Variants in NOS2 observed in about 807,000 individuals in gnomAD.
NOS2 encodes nitric oxide synthase, inducible.
A neutral mutation model predicts 136.0 loss-of-function variants in NOS2; 96 were observed. That is an observed-to-expected ratio of 0.71 (90% CI 0.60 to 0.84). NOS2 has a LOEUF of 0.84. NOS2 is among the 40% of genes least tolerant of loss of function. The pLI, the probability that NOS2 is intolerant of heterozygous loss-of-function variation, is 0.00. For missense variants in NOS2, 1,237 were observed against 1,496.9 expected (o/e 0.83, Z 2.87); for synonymous variants, 539 against 587.5 (o/e 0.92, Z 1.20).
intron 4 of NOS2, among the ~76,000 whole-genome samples, chr17:27,788,196 G>GCACACACACACA (rs59431357): frequency 0.012 from 1,814 of 149,740 alleles, 17 homozygotes; most frequent in African/African-American, 0.024. Context: ...GCACACGCGT[G>GCACACACACACA]CACACACACA....
At chr17:27,782,917 C>T (rs201713134) in intron 6 of NOS2, 27 bp downstream of exon 6, 1 of 1,612,006 alleles carries the variant, frequency 6.2e-7, no homozygotes, top group Non-Finnish European at 8.5e-7. Context: ...CTCCAGCTCT[C>T]TCCCGCTCAA....
intron 18 of NOS2, among the ~76,000 whole-genome samples, chr17:27,767,286 C>T (rs547448074): frequency 1.2e-4 from 18 of 152,156 alleles, no homozygotes; most frequent in Non-Finnish European, 1.9e-4. Flanking sequence ...ACCTTCTCTA[C>T]GACACTTGGC....
In NOS2 at chr17:27,759,022, C is replaced by A; in HGVS notation, c.3213G>T (p.Val1071=). The A allele has an allele frequency of 6.2e-7, 1 of 1,610,472 alleles. No homozygotes were observed. The highest frequency in any genetic ancestry group is 8.5e-7 in the Non-Finnish European group (1 of 1,178,714). ...RQQLASEVLR[V]LHKEPGHLYV... ...AGAGGTGGCCTGGCTCCTTGTGGAG[C>A]ACACGGAGCACCTCGCTGGCCAGCT... is the stretch of plus-strand genomic sequence containing the variant. Residue 1071 remains valine, a synonymous_variant, in exon 26 of 27, where the codon GTG becomes GTT. Coordinates refer to ENST00000313735, the MANE Select transcript of NOS2 (RefSeq NM_000625.4).
At chr17:27,774,203 C>T (rs888593193) in intron 12 of NOS2, 54 bp downstream of exon 12, 9 of 1,324,510 alleles carry the variant, frequency 6.8e-6, no homozygotes, top group Non-Finnish European at 9.0e-6. Context: ...CACACACACA[C>T]ACATACAGCC....
At chr17:27,761,751 C>G (rs1463170162) in intron 22 of NOS2, among the ~76,000 whole-genome samples, 2 of 152,170 alleles carry the variant, frequency 1.3e-5, no homozygotes, top group African/African-American at 4.8e-5. Context: ...CTTTCCTCCT[C>G]AGTGGGCCCT....
At chr17:27,766,402 A>C in intron 19 of NOS2, 108 bp downstream of exon 19, 1 of 982,576 alleles carries the variant, frequency 1.0e-6, no homozygotes, top group Non-Finnish European at 1.6e-6. Flanking sequence ...TGCTAATGCC[A>C]GCATATGCTC....
At chr17:27,767,597 C>T (rs1257426003) in intron 18 of NOS2, 108 bp downstream of exon 18, 9 of 1,349,878 alleles carry the variant, frequency 6.7e-6, no homozygotes, top group African/African-American at 2.9e-5. Flanking sequence ...AGGGAGGCCC[C>T]GAGGCCAGCT....
At chr17:27,788,238 C>T (rs1052005325) in intron 4 of NOS2, among the ~76,000 whole-genome samples, 4 of 147,562 alleles carry the variant, frequency 2.7e-5, no homozygotes, top group African/African-American at 7.6e-5. Flanking sequence ...GAAGTACACC[C>T]GAATGTTAAC....
intron 6 of NOS2, among the ~76,000 whole-genome samples, 177 bp from the exon 7 acceptor site, chr17:27,782,283 G>A (rs1168835747): frequency 6.6e-6 from 1 of 152,168 alleles, no homozygotes; most frequent in East Asian, 1.9e-4. Context: ...CCATGCAGAA[G>A]AATTCAGCCT....
chr17:27,787,938 C>A (rs1016219065), intron 4 of NOS2, 112 bp from the exon 5 acceptor site: 1 of 1,134,630 alleles, frequency 8.8e-7, no homozygotes. Flanking sequence ...CGGCTCCCTG[C>A]ACCTCTTCTC....
chr17:27,768,992 G>C lies in NOS2; in HGVS notation c.2019C>G (p.Ala673=), dbSNP rs140648818. The C allele has an allele frequency of 4.5e-5, 73 of 1,607,226 alleles. No homozygotes were observed. The highest frequency in any genetic ancestry group is 2.4e-4 in the Admixed American group (14 of 59,496). Residue 673 remains alanine, a synonymous_variant, in exon 17 of 27, where the codon GCC becomes GCG. Coordinates refer to ENST00000313735, the MANE Select transcript of NOS2 (RefSeq NM_000625.4). ...GGGAACTGACCTTGAAGGTTTGCAC[G>C]GCCCAGCTGCGGAAGGCGTCCTCCT... ...SGQEDAFRSW[A]VQTFKAACET...
intron 11 of NOS2, among the ~76,000 whole-genome samples, chr17:27,778,360 T>G (rs1908727635): frequency 6.6e-6 from 1 of 152,144 alleles, no homozygotes; most frequent in Admixed American, 6.6e-5. Flanking sequence ...GCAGGAGTTA[T>G]GTGGTTAGCT....
chr17:27,758,610 G>A (rs1474864361), intron 26 of NOS2, among the ~76,000 whole-genome samples: 1 of 152,140 alleles, frequency 6.6e-6, no homozygotes, highest in African/African-American at 2.4e-5. Context: ...GGGGTTTGGG[G>A]AGAGGCCAGG....
intron 25 of NOS2, among the ~76,000 whole-genome samples, chr17:27,759,385 GC>G (rs1379656956): frequency 6.6e-6 from 1 of 152,214 alleles, no homozygotes; most frequent in Non-Finnish European, 1.5e-5. Flanking sequence ...CAGTCCCCCT[GC>G]CCAGGGCTCT....
chr17:27,769,898 T>C (rs1289372404), intron 15 of NOS2, among the ~76,000 whole-genome samples: 2 of 152,112 alleles, frequency 1.3e-5, no homozygotes, highest in Non-Finnish European at 2.9e-5. Flanking sequence ...CCAGAGGGGC[T>C]CCGAATGCGC....
chr17:27,769,432 C>G (rs559505959), intron 16 of NOS2, 103 bp downstream of exon 16: 4 of 998,290 alleles, frequency 4.0e-6, no homozygotes, highest in Admixed American at 1.8e-5. Flanking sequence ...TGTGCCTGCA[C>G]GGTTCTGAGA....
At position 27,757,251 on chromosome 17, in the gene NOS2, G is replaced by A. The variant is rs1262745725; in HGVS notation, c.3457C>T (p.Leu1153Phe). The part of the protein sequence containing the change: ...VQPSSLEMSA[L>F] The stretch of plus-strand genomic sequence containing the variant: ...TTAACCCCTCCTGTAGGCCCTCAGA[G>A]CGCTGACATCTCCAGGCTGCTGGGC... The change falls in exon 27 of 27, where the codon CTC becomes TTC. Residue 1153 changes from leucine to phenylalanine, a missense_variant. Leu to Phe is a conservative substitution (Grantham distance 22, BLOSUM62 0). Transcript: ENST00000313735. 1 of 1,613,552 alleles carries A rather than the reference G, an allele frequency of 6.2e-7. No individual in the cohort carries two copies. Among genetic ancestry groups the A allele is most frequent in the Non-Finnish European group, 8.5e-7 (1 of 1,179,756 alleles).
At position 27,765,718 on chromosome 17, in the gene NOS2, TG is replaced by T. The variant is rs1908280373; in HGVS notation, c.2247-3del. ...AGTTCCACCAGGATGGTGGCACGGC[TG>T]GGGAAGGAAAATGAAGCCTCAGGTG... is the stretch of plus-strand genomic sequence containing the variant. On this transcript the variant is annotated splice_region_variant and splice_polypyrimidine_tract_variant and intron_variant, in intron 19 of 26. Transcript: ENST00000313735. 6.9e-6 allele frequency: 11 copies of T among 1,596,464 alleles called. No homozygotes were observed. The highest frequency in any genetic ancestry group is 6.0e-6 in the Non-Finnish European group (7 of 1,171,534).
In NOS2 at chr17:27,769,546, G is replaced by T. The variant is rs1908420809; in HGVS notation, c.1848C>A (p.Asn616Lys). ...GGAAAAAGCTTTACCTGAATTTGTT[G>T]TTGAGCTCTTTCAGCATGAAGAGCG... ...KKSLFMLKEL[N>K]NKFRYAVFGL... Residue 616 changes from asparagine (N) to lysine (K), a missense_variant, in exon 16 of 27, where the codon AAC (asparagine) becomes AAA (lysine). By Grantham distance (94) the Asn-to-Lys change is moderately conservative. Around this residue, in one of 3 missense-constraint regions of NOS2, gnomAD observed 782 missense variants for 909.9 expected, o/e 0.86. Transcript: ENST00000313735. 6.2e-7 allele frequency: 1 copy of T among 1,613,574 alleles called. No homozygotes were observed. The highest frequency in any genetic ancestry group is 8.5e-7 in the Non-Finnish European group (1 of 1,179,556).
Sources: allele counts gnomAD v4.1 joint callset (sites outside exome capture counted in the v4.1 genomes callset), GRCh38; gene constraint gnomAD v4.1.1; regional missense constraint gnomAD v4.1.1; transcripts MANE v1.5; gene names NCBI Gene and HGNC (gene_info 2026-07-23, HGNC 2026-07-21).